Variants in MAF observed in about 807,000 individuals in gnomAD.
MAF encodes the protein transcription factor Maf.
In MAF, 10 loss-of-function variants were observed where a neutral mutation model predicts 22.0. That is an observed-to-expected ratio of 0.45 (90% CI 0.28 to 0.77). The LOEUF (loss-of-function observed/expected upper bound fraction) is 0.77. Ranked by LOEUF, MAF falls within the 30% of genes least tolerant of loss-of-function variation. MAF has a pLI of 0.12. For synonymous variants in MAF, 337 were observed against 255.8 expected, an observed-to-expected ratio of 1.32 and a Z score of -3.03; for missense variants, 544 against 548.4, an observed-to-expected ratio of 0.99 and a Z score of 0.08.
At chr16:79,212,300 G>C in the MAF span, 1 of 975,014 alleles carries the variant, frequency 1.0e-6, no homozygotes, top group Non-Finnish European at 1.5e-6. Context: ...CTTAGCAACT[G>C]CTGGGGAGAC....
the MAF span, among the ~76,000 whole-genome samples, chr16:79,266,822 C>T: frequency 2.6e-5 from 4 of 152,234 alleles, no homozygotes; most frequent in African/African-American, 9.6e-5. Context: ...CTGCTGCCTG[C>T]CTTGTTAGAA....
chr16:79,449,667 A>G, the MAF span, among the ~76,000 whole-genome samples: 1 of 152,294 alleles, frequency 6.6e-6, no homozygotes, highest in African/African-American at 2.4e-5. Context: ...GTCTCCCACC[A>G]ACCTATTTAG....
chr16:79,490,679 A>G, the MAF span, among the ~76,000 whole-genome samples: 1 of 152,236 alleles, frequency 6.6e-6, no homozygotes, highest in African/African-American at 2.4e-5. Flanking sequence ...CCAGACTGTT[A>G]CAGAGATTGG....
At chr16:79,425,241 T>C in the MAF span, among the ~76,000 whole-genome samples, 1 of 152,214 alleles carries the variant, frequency 6.6e-6, no homozygotes, top group Non-Finnish European at 1.5e-5. Context: ...TTTATCATGA[T>C]AGTATTGTGA....
the MAF span, among the ~76,000 whole-genome samples, chr16:79,435,431 G>C: frequency 5.9e-5 from 9 of 152,216 alleles, no homozygotes; most frequent in African/African-American, 2.2e-4. Context: ...TGGTCAAATA[G>C]ATGCGGTCAA....
the MAF span, among the ~76,000 whole-genome samples, chr16:79,267,514 G>A: frequency 6.6e-6 from 1 of 152,192 alleles, no homozygotes; most frequent in Non-Finnish European, 1.5e-5. Flanking sequence ...TTGTTCTAGG[G>A]CCAAGTACCA....
chr16:79,528,504 C>T, the MAF span, among the ~76,000 whole-genome samples: 4 of 152,180 alleles, frequency 2.6e-5, no homozygotes, highest in Non-Finnish European at 4.4e-5. Flanking sequence ...GCATGGCTCT[C>T]TCTTTACTGA....
chr16:79,439,636 A>G, the MAF span, among the ~76,000 whole-genome samples: 1 of 152,210 alleles, frequency 6.6e-6, no homozygotes, highest in African/African-American at 2.4e-5. Context: ...TATTGCTGCA[A>G]AAACAGTCTG....
chr16:79,466,861 T>C, the MAF span, among the ~76,000 whole-genome samples: 1 of 152,192 alleles, frequency 6.6e-6, no homozygotes, highest in Admixed American at 6.5e-5. Flanking sequence ...AAGTGATAGC[T>C]GCAGTGTTCC....
At chr16:79,402,272 A>G in the MAF span, among the ~76,000 whole-genome samples, 3 of 152,336 alleles carry the variant, frequency 2.0e-5, no homozygotes, top group South Asian at 6.2e-4. Flanking sequence ...TCTGAAGGAC[A>G]GAAACAATGG....
the MAF span, among the ~76,000 whole-genome samples, chr16:79,348,253 C>G: frequency 6.6e-6 from 1 of 152,212 alleles, no homozygotes; most frequent in Non-Finnish European, 1.5e-5. Context: ...TAATGCTCCT[C>G]CAGTGCAAGG....
chr16:79,586,191 G>C (rs567911176), intron 1 of MAF, among the ~76,000 whole-genome samples: 4 of 152,324 alleles, frequency 2.6e-5, no homozygotes, highest in Non-Finnish European at 5.9e-5. Context: ...TCTCAACTGA[G>C]AGGCTGAGAT....
the MAF span, among the ~76,000 whole-genome samples, chr16:79,292,499 G>A: frequency 6.6e-6 from 1 of 152,196 alleles, no homozygotes; most frequent in Non-Finnish European, 1.5e-5. Flanking sequence ...AAGTAACTCA[G>A]TTGTGGTACT....
At chr16:79,269,523 C>T in the MAF span, among the ~76,000 whole-genome samples, 43 of 152,056 alleles carry the variant, frequency 2.8e-4, no homozygotes, top group Admixed American at 1.2e-3. Context: ...TGTCTTGTCA[C>T]CAGGCTTTAA....
the MAF span, among the ~76,000 whole-genome samples, chr16:79,405,325 G>C: frequency 1.3e-5 from 2 of 152,176 alleles, no homozygotes; most frequent in Admixed American, 1.3e-4. Context: ...TCTGGGTGAA[G>C]AAATTCACTG....
chr16:79,420,695 G>A, the MAF span, among the ~76,000 whole-genome samples: 2 of 152,290 alleles, frequency 1.3e-5, no homozygotes, highest in South Asian at 2.1e-4. Flanking sequence ...TCAGTCATCC[G>A]CGGTGAACCG....
At chr16:79,514,352 G>A in the MAF span, among the ~76,000 whole-genome samples, 1 of 152,150 alleles carries the variant, frequency 6.6e-6, no homozygotes, top group Non-Finnish European at 1.5e-5. Flanking sequence ...TGGGGGAGTG[G>A]TTTACAGGTA....
the MAF span, among the ~76,000 whole-genome samples, chr16:79,382,266 G>T: frequency 6.6e-6 from 1 of 152,318 alleles, no homozygotes; most frequent in East Asian, 1.9e-4. Context: ...TCCTACTGGG[G>T]AAATTCAAAA....
chr16:79,212,206 G>T, the MAF span: 2 of 1,447,900 alleles, frequency 1.4e-6, no homozygotes, highest in African/African-American at 2.9e-5. Context: ...CCTACTTAGG[G>T]AAGAAAAAGC....
Sources: gnomAD v4.1 joint callset for allele counts (sites outside exome capture counted in the v4.1 genomes callset) on GRCh38, gnomAD v4.1.1 for gene constraint, MANE v1.5 for transcripts, NCBI Gene and HGNC (gene_info 2026-07-23, HGNC 2026-07-21) for gene names.